MB21D2: variants seen among roughly 807,000 people sequenced by gnomAD.
The protein encoded by MB21D2 is Mab-21 domain containing 2, also known as nucleotidyltransferase MB21D2.
A neutral mutation model predicts 33.3 loss-of-function variants in MB21D2; 9 were observed. The ratio of observed to expected loss-of-function variants is 0.27; its 90% CI spans 0.16 to 0.47. The LOEUF (loss-of-function observed/expected upper bound fraction) is 0.47, where lower values mean the gene tolerates loss of function less well. Among genes scored for constraint, MB21D2 ranks in the 20% least tolerant of loss-of-function variants. The probability of loss-of-function intolerance (pLI) is 0.99; values close to 1 mark genes in which losing one functional copy is unlikely to be tolerated. For synonymous variants in MB21D2, 241 were observed against 236.3 expected, an observed-to-expected ratio of 1.02 and a Z score of -0.18; for missense variants, 540 against 624.6, an observed-to-expected ratio of 0.86 and a Z score of 1.44.
chr3:192,817,842 T>G (rs1204653251), intron 1 of MB21D2, among the ~76,000 whole-genome samples: 1 of 152,036 alleles, frequency 6.6e-6, no homozygotes, highest in Non-Finnish European at 1.5e-5. Flanking sequence ...TCAAAATCCT[T>G]CCACGGTGCC....
intron 1 of MB21D2, among the ~76,000 whole-genome samples, chr3:192,848,643 T>C (rs1011154989): frequency 6.6e-6 from 1 of 152,222 alleles, no homozygotes; most frequent in Non-Finnish European, 1.5e-5. Flanking sequence ...CCTTGTGAAA[T>C]GAAGTAAACC....
Position 192,806,324 on chromosome 3 carries a change from C to G in MB21D2, c.212-6674G>C, listed in dbSNP as rs551651608. On this transcript the variant is annotated intron_variant, in intron 1 of 1. Coordinates refer to ENST00000392452, the MANE Select transcript of MB21D2 (RefSeq NM_178496.4). ...CTACATATGCTGAAATGTGTCCATA[C>G]TCAAGTCCCATAGCTGACCTTGTGG... is the stretch of plus-strand genomic sequence containing the variant. Among the ~76,000 whole-genome samples the G allele has an allele frequency of 5.4e-4, 83 of 152,358 alleles. 1 individual carries two copies. Among genetic ancestry groups the G allele is most frequent in the South Asian group, 1.7e-3 (8 of 4,830 alleles).
At chr3:192,824,992 G>A (rs1294999608) in intron 1 of MB21D2, among the ~76,000 whole-genome samples, 1 of 152,132 alleles carries the variant, frequency 6.6e-6, no homozygotes, top group East Asian at 1.9e-4. Flanking sequence ...CCGAGTAGCT[G>A]TCCTTGATTA....
intron 1 of MB21D2, among the ~76,000 whole-genome samples, chr3:192,846,558 C>G (rs1019384137): frequency 1.3e-5 from 2 of 152,178 alleles, no homozygotes; most frequent in Non-Finnish European, 2.9e-5. Context: ...AGTTCCAACT[C>G]CTAACCCACT....
intron 1 of MB21D2, among the ~76,000 whole-genome samples, chr3:192,903,864 C>A (rs959486149): frequency 2.0e-5 from 3 of 152,190 alleles, no homozygotes; most frequent in Admixed American, 6.5e-5. Flanking sequence ...CCTGCATTCG[C>A]CATGTGAAGT....
chr3:192,882,515 G>A (rs1470474833), intron 1 of MB21D2, among the ~76,000 whole-genome samples: 1 of 152,106 alleles, frequency 6.6e-6, no homozygotes, highest in Non-Finnish European at 1.5e-5. Context: ...ATGCCATACT[G>A]GTGTACTGTC....
chr3:192,882,235 CCTG>C (rs1475269709), intron 1 of MB21D2, among the ~76,000 whole-genome samples: 3 of 152,124 alleles, frequency 2.0e-5, no homozygotes, highest in Admixed American at 6.5e-5. Context: ...AAGCGATTCT[CCTG>C]CTAATTTTGT....
chr3:192,884,589 G>C lies in MB21D2; in HGVS notation c.211+33041C>G, dbSNP rs539622023. Among the ~76,000 whole-genome samples the C allele has an allele frequency of 1.3e-3, 196 of 152,044 alleles. 4 individuals carry two copies. Among genetic ancestry groups the C allele is most frequent in the African/African-American group, 4.0e-3 (164 of 41,388 alleles). On this transcript the variant is annotated intron_variant, in intron 1 of 1. Coordinates refer to ENST00000392452, the MANE Select transcript of MB21D2 (RefSeq NM_178496.4). ...TCACCGTGTTAGCCAGGATGGTCTTGATCTCCTGACCTCGTGATCTGCCCG... is the reference window on the plus strand; with the variant it reads ...TCACCGTGTTAGCCAGGATGGTCTTCATCTCCTGACCTCGTGATCTGCCCG...
chr3:192,905,650 AAAAAG>A (rs1714198747), intron 1 of MB21D2, among the ~76,000 whole-genome samples: 3 of 134,762 alleles, frequency 2.2e-5, no homozygotes, highest in African/African-American at 8.4e-5. Context: ...AAAAAAAAAA[AAAAAG>A]AAAAAGAAAA....
rs141388549 is a variant in MB21D2, at chr3:192,869,219, G to A, written c.211+48411C>T. On this transcript the variant is annotated intron_variant, in intron 1 of 1. Coordinates refer to ENST00000392452, the MANE Select transcript of MB21D2 (RefSeq NM_178496.4). The stretch of plus-strand genomic sequence containing the variant: ...TGCAGTGAGCCAAGATGGAGCCACT[G>A]CACTCCAGCCTCGGCGACAGAGTGA... 8.2e-3 allele frequency among the ~76,000 whole-genome samples: 1,230 copies of A among 150,300 alleles called. 22 individuals are homozygous for A. Among genetic ancestry groups the A allele is most frequent in the African/African-American group, 0.029 (1,182 of 40,720 alleles).
At chr3:192,825,695 T>G (rs1712161361) in intron 1 of MB21D2, among the ~76,000 whole-genome samples, 1 of 152,214 alleles carries the variant, frequency 6.6e-6, no homozygotes, top group South Asian at 2.1e-4. Context: ...AATTACTTAG[T>G]ATGTAGATGA....
intron 1 of MB21D2, among the ~76,000 whole-genome samples, chr3:192,912,636 G>A (rs982644502): frequency 6.6e-6 from 1 of 151,876 alleles, no homozygotes. Context: ...TCATGCCACT[G>A]CACTCCAGCC....
At chr3:192,883,056 TG>T (rs1713641603) in intron 1 of MB21D2, among the ~76,000 whole-genome samples, 1 of 151,340 alleles carries the variant, frequency 6.6e-6, no homozygotes, top group South Asian at 2.1e-4. Flanking sequence ...TTAGTAGAGA[TG>T]GGGTTTCACC....
intron 1 of MB21D2, among the ~76,000 whole-genome samples, chr3:192,833,969 G>A (rs73890335): frequency 0.069 from 10,507 of 152,092 alleles, 1,209 homozygotes; most frequent in African/African-American, 0.24. Context: ...ATCACAAATG[G>A]TTGTCTCATA....
chr3:192,853,687 G>A (rs145736044), intron 1 of MB21D2, among the ~76,000 whole-genome samples: 3 of 151,888 alleles, frequency 2.0e-5, no homozygotes, highest in Non-Finnish European at 4.4e-5. Context: ...AAGTACAGGC[G>A]CACCTTGTTT....
chr3:192,852,541 T>C (rs1003980783), intron 1 of MB21D2, among the ~76,000 whole-genome samples: 1 of 152,094 alleles, frequency 6.6e-6, no homozygotes, highest in African/African-American at 2.4e-5. Flanking sequence ...AAATAAGCAA[T>C]TGCCTCAAAC....
rs4687365 is a variant in MB21D2, at chr3:192,827,648, C to T, written c.212-27998G>A. On this transcript the variant is annotated intron_variant, in intron 1 of 1. Transcript: ENST00000392452. ...AGAGTCAGAAACTAAAACCAGGTCT[C>T]GCTCATTCCAAATCTTACATGCTTT... 3.3e-5 allele frequency among the ~76,000 whole-genome samples: 5 copies of T among 151,876 alleles called. 1 individual carries two copies. The highest frequency in any genetic ancestry group is 4.8e-5 in the African/African-American group (2 of 41,286).
At chr3:192,835,878 G>C (rs930755475) in intron 1 of MB21D2, among the ~76,000 whole-genome samples, 39 of 150,352 alleles carry the variant, frequency 2.6e-4, no homozygotes, top group Non-Finnish European at 1.0e-4. Context: ...CAGACAAAAA[G>C]CTTTTGATTA....
At chr3:192,901,523 C>G (rs1455887342) in intron 1 of MB21D2, among the ~76,000 whole-genome samples, 1 of 148,804 alleles carries the variant, frequency 6.7e-6, no homozygotes, top group African/African-American at 2.5e-5. Context: ...TCATGAGCAC[C>G]AGGATCTCAA....
Sources: allele counts gnomAD v4.1 joint callset (sites outside exome capture counted in the v4.1 genomes callset), GRCh38; gene constraint gnomAD v4.1.1; transcripts MANE v1.5; gene names NCBI Gene and HGNC (gene_info 2026-07-23, HGNC 2026-07-21).